The following PPM1B variants were observed in gnomAD, a reference collection of about 807,000 sequenced individuals.
PPM1B encodes the protein protein phosphatase 1B.
In PPM1B, 22 loss-of-function variants were observed where a neutral mutation model predicts 43.0. The ratio of observed to expected loss-of-function variants is 0.51; its 90% CI spans 0.37 to 0.73. The LOEUF (loss-of-function observed/expected upper bound fraction) is 0.73. Among genes scored for constraint, PPM1B ranks in the 30% least tolerant of loss-of-function variants. PPM1B has a pLI of 0.00. For missense variants in PPM1B, 632 were observed against 584.2 expected (o/e 1.08, Z -0.84); for synonymous variants, 217 against 197.9 (o/e 1.10, Z -0.81).
chr2:44,210,199 C>T (rs1156286988), intron 3 of PPM1B, among the ~76,000 whole-genome samples: 1 of 149,598 alleles, frequency 6.7e-6, no homozygotes, highest in Non-Finnish European at 1.5e-5. Context: ...TTTTTTTAAA[C>T]TTCATTTGGC....
rs1398823189 is a variant in PPM1B, at chr2:44,201,064, C to T, written c.-14-122C>T. On this transcript the variant is annotated intron_variant, in intron 1 of 5. Coordinates refer to ENST00000282412, the MANE Select transcript of PPM1B (RefSeq NM_002706.6). The surrounding 1 kb of genome is among the most constrained non-coding windows in gnomAD (Gnocchi z 5.4). ...ATTTCTTGGGCTTTTGTTGTTGCTC[C>T]CGTAAATTAGGATAATACTAAAAAA... 7 of 1,058,044 alleles carry T rather than the reference C, an allele frequency of 6.6e-6. No individual in the cohort carries two copies. Among genetic ancestry groups the T allele is most frequent in the African/African-American group, 1.6e-5 (1 of 61,832 alleles). 65.5% of individuals were successfully genotyped at this position (1,058,044 alleles called of 1,614,324 possible). A position where few individuals can be genotyped will look rare whatever the true frequency, so the allele number is the denominator to read the frequency against.
chr2:44,212,840 A>G (rs1315262817), intron 3 of PPM1B, among the ~76,000 whole-genome samples: 1 of 151,924 alleles, frequency 6.6e-6, no homozygotes. Flanking sequence ...GAAAACCTGT[A>G]ACTACTAAAA....
At chr2:44,232,722 C>A (rs887487290), downstream of PPM1B, 6 of 1,009,290 alleles carry the variant, frequency 5.9e-6, no homozygotes, top group Non-Finnish European at 5.9e-6. Context: ...AAACACACAA[C>A]ATGTAAGCAT....
In PPM1B at chr2:44,175,741, A is replaced by C. The variant is rs149485325; in HGVS notation, c.-15+6467A>C. On this transcript the variant is annotated intron_variant, in intron 1 of 5. Coordinates refer to ENST00000282412, the MANE Select transcript of PPM1B (RefSeq NM_002706.6). ...GATAAAAACTAGACTGAAAAGAGGA[A>C]AGAGGAAATATTGTTGTGCCTTAGA... is the stretch of plus-strand genomic sequence containing the variant. 3.6e-3 allele frequency among the ~76,000 whole-genome samples: 554 copies of C among 152,262 alleles called. 3 individuals carry two copies. The highest frequency in any genetic ancestry group is 0.012 in the African/African-American group (512 of 41,556).
At chr2:44,232,438 T>G (rs1392358845), downstream of PPM1B, 1 of 1,574,486 alleles carries the variant, frequency 6.4e-7, no homozygotes, top group Non-Finnish European at 8.6e-7. Flanking sequence ...AAAATATTCT[T>G]GCGGATTCCC....
intron 5 of PPM1B, among the ~76,000 whole-genome samples, chr2:44,222,407 C>T (rs1030959549): frequency 1.3e-5 from 2 of 152,176 alleles, no homozygotes; most frequent in Admixed American, 6.5e-5. Flanking sequence ...TTTATACTTT[C>T]ATGCAAAAAG....
At chr2:44,237,285 G>A (rs1343517941), downstream of PPM1B, among the ~76,000 whole-genome samples, 1 of 152,132 alleles carries the variant, frequency 6.6e-6, no homozygotes, top group Non-Finnish European at 1.5e-5. Flanking sequence ...TTGATGATTC[G>A]TGTATGTTAC....
chr2:44,201,158 C>T lies in PPM1B; in HGVS notation c.-14-28C>T. On this transcript the variant is annotated intron_variant, in intron 1 of 5. Coordinates refer to ENST00000282412, the MANE Select transcript of PPM1B (RefSeq NM_002706.6). This position sits in a 1 kb window ranked among gnomAD's most constrained non-coding sequence, Gnocchi z 5.4. ...ACATACATTTTCTGTCAAATTTAAA[C>T]ATTTAACACCTGCATTTTTTATTTC... 6.5e-7 allele frequency: 1 copy of T among 1,537,168 alleles called. No homozygotes were observed.
At chr2:44,206,120 A>G (rs977004953) in intron 2 of PPM1B, among the ~76,000 whole-genome samples, 2 of 152,214 alleles carry the variant, frequency 1.3e-5, no homozygotes, top group Non-Finnish European at 2.9e-5. Flanking sequence ...TGGTACTATG[A>G]TTATTAAGAG....
chr2:44,172,794 C>T (rs1667409166), intron 1 of PPM1B, among the ~76,000 whole-genome samples: 1 of 152,098 alleles, frequency 6.6e-6, no homozygotes, highest in African/African-American at 2.4e-5. Context: ...CTGTAGTTAG[C>T]TGCTTGGGAG....
At chr2:44,246,293 G>C (rs1162575818), downstream of PPM1B, among the ~76,000 whole-genome samples, 4 of 152,058 alleles carry the variant, frequency 2.6e-5, no homozygotes. Context: ...TGAGTCCTTC[G>C]AGCTTATTTT....
chr2:44,216,704 G>C (rs1028167894), intron 3 of PPM1B, among the ~76,000 whole-genome samples: 9 of 152,136 alleles, frequency 5.9e-5, no homozygotes, highest in African/African-American at 2.2e-4. Flanking sequence ...GAGGTGGGTG[G>C]ATCACGAGGT....
At chr2:44,223,684 TG>T (rs1222060652) in intron 5 of PPM1B, among the ~76,000 whole-genome samples, 1 of 150,774 alleles carries the variant, frequency 6.6e-6, no homozygotes, top group Non-Finnish European at 1.5e-5. Context: ...GGCGTGGTGG[TG>T]GGCGCCTGTA....
chr2:44,232,628 C>G, downstream of PPM1B: 1 of 1,232,676 alleles, frequency 8.1e-7, no homozygotes, highest in South Asian at 2.4e-5. Context: ...GTTATTTCAC[C>G]ACAAATCAAC....
intron 1 of PPM1B, among the ~76,000 whole-genome samples, chr2:44,187,759 T>A (rs916390846): frequency 6.6e-6 from 1 of 151,622 alleles, no homozygotes; most frequent in Non-Finnish European, 1.5e-5. Flanking sequence ...TCACCTTTAC[T>A]TTTTTTTTGA....
chr2:44,228,024 C>T (rs562112389), intron 5 of PPM1B, among the ~76,000 whole-genome samples: 2 of 147,786 alleles, frequency 1.4e-5, no homozygotes, highest in African/African-American at 2.5e-5. Flanking sequence ...CGAGTTCAAG[C>T]GATTCTCCTG....
intron 2 of PPM1B, among the ~76,000 whole-genome samples, chr2:44,206,059 G>A (rs1669175945): frequency 6.6e-6 from 1 of 152,046 alleles, no homozygotes; most frequent in African/African-American, 2.4e-5. Flanking sequence ...ATTGTTTTCT[G>A]TTTAAGTTTA....
chr2:44,219,094 C>T (rs1193918853), intron 5 of PPM1B: 1 of 174,396 alleles, frequency 5.7e-6, no homozygotes, highest in African/African-American at 2.4e-5. Context: ...ACTCTATGCC[C>T]TTACCTTTTA....
intron 1 of PPM1B, among the ~76,000 whole-genome samples, chr2:44,194,868 C>G (rs1213687143): frequency 1.3e-5 from 2 of 151,024 alleles, no homozygotes; most frequent in African/African-American, 2.4e-5. Flanking sequence ...CTATAGTTCA[C>G]TCTTTGCAAG....
Sources: gnomAD v4.1 joint callset for allele counts (sites outside exome capture counted in the v4.1 genomes callset) on GRCh38, gnomAD v4.1.1 for gene constraint, Gnocchi (gnomAD v3.1) non-coding constraint, MANE v1.5 for transcripts, NCBI Gene and HGNC (gene_info 2026-07-23, HGNC 2026-07-21) for gene names.